The following AUH variants were observed in gnomAD, a reference collection of about 807,000 sequenced individuals.
AUH encodes the protein methylglutaconyl-CoA hydratase, mitochondrial.
A neutral mutation model predicts 42.3 loss-of-function variants in AUH; 29 were observed. The ratio of observed to expected loss-of-function variants is 0.69; its 90% CI spans 0.51 to 0.93. The LOEUF (loss-of-function observed/expected upper bound fraction) is 0.93. AUH is among the 40% of genes least tolerant of loss of function. The pLI is 0.00. For missense variants in AUH, 452 were observed against 438.1 expected, an observed-to-expected ratio of 1.03 and a Z score of -0.28; for synonymous variants, 174 against 166.4, an observed-to-expected ratio of 1.05 and a Z score of -0.35.
At chr9:91,300,695 G>A (rs1827715291) in intron 4 of AUH, among the ~76,000 whole-genome samples, 1 of 152,186 alleles carries the variant, frequency 6.6e-6, no homozygotes, top group African/African-American at 2.4e-5. Flanking sequence ...GCACAGGAAG[G>A]CACCTGGAAC....
In AUH at chr9:91,276,574, G is replaced by A. The variant is rs72740749; in HGVS notation, c.655+19447C>T. On this transcript the variant is annotated intron_variant, in intron 6 of 9. Transcript: ENST00000375731. ...AAACGAGAACAAAACACTGTAACAG[G>A]TCATTATTTTTTCGAAACTCAACAA... 6.6e-5 allele frequency among the ~76,000 whole-genome samples: 10 copies of A among 152,164 alleles called. No individual in the cohort carries two copies. In the East Asian group the frequency reaches 1.4e-3, roughly 21 times the overall value.
intron 3 of AUH, among the ~76,000 whole-genome samples, chr9:91,348,368 AG>A (rs1274541897): frequency 6.6e-6 from 1 of 152,214 alleles, no homozygotes; most frequent in Non-Finnish European, 1.5e-5. Context: ...CTAAACACAC[AG>A]GATAAAACCA....
chr9:91,264,308 C>T (rs1829855395), intron 6 of AUH, among the ~76,000 whole-genome samples: 1 of 152,120 alleles, frequency 6.6e-6, no homozygotes, highest in South Asian at 2.1e-4. Context: ...AAAGCCTGAC[C>T]TTCCCCTACA....
At chr9:91,340,405 C>T (rs1052059639) in intron 3 of AUH, among the ~76,000 whole-genome samples, 6 of 152,086 alleles carry the variant, frequency 3.9e-5, no homozygotes, top group Non-Finnish European at 8.8e-5. Context: ...GTAAATAATA[C>T]TGGTATTAAT....
intron 4 of AUH, among the ~76,000 whole-genome samples, chr9:91,312,213 T>A (rs1828753195): frequency 6.6e-6 from 1 of 152,130 alleles, no homozygotes; most frequent in Non-Finnish European, 1.5e-5. Flanking sequence ...TAAACTCTCT[T>A]TCATTAAAAA....
intron 7 of AUH, among the ~76,000 whole-genome samples, chr9:91,220,106 C>T (rs1318179052): frequency 3.3e-5 from 5 of 152,106 alleles, no homozygotes; most frequent in Non-Finnish European, 7.3e-5. Context: ...GATTTCAGAC[C>T]AAAGGCATAT....
intron 6 of AUH, among the ~76,000 whole-genome samples, chr9:91,284,687 T>C (rs1389804132): frequency 3.3e-5 from 5 of 152,194 alleles, no homozygotes; most frequent in African/African-American, 9.6e-5. Flanking sequence ...AAGACATTCA[T>C]GCAGCCAACA....
chr9:91,333,743 G>T (rs761297027), intron 3 of AUH, among the ~76,000 whole-genome samples: 1 of 152,256 alleles, frequency 6.6e-6, no homozygotes, highest in South Asian at 2.1e-4. Flanking sequence ...TCGTAATCAA[G>T]AAACATCTAA....
chr9:91,359,694 C>T (rs1287974615), intron 1 of AUH, among the ~76,000 whole-genome samples: 1 of 152,134 alleles, frequency 6.6e-6, no homozygotes, highest in East Asian at 1.9e-4. Context: ...TTACCCCCAC[C>T]CACCTAAAGT....
intron 3 of AUH, among the ~76,000 whole-genome samples, chr9:91,327,325 T>C (rs2131874213): frequency 6.6e-6 from 1 of 152,276 alleles, no homozygotes; most frequent in African/African-American, 2.4e-5. Context: ...AGCTGCTGGT[T>C]TGAGAGAGTC....
chr9:91,282,989 G>C lies in AUH; in HGVS notation c.655+13032C>G, dbSNP rs1031217230. Among the ~76,000 whole-genome samples the C allele has an allele frequency of 2.4e-4, 36 of 152,252 alleles. 1 individual carries two copies. Among genetic ancestry groups the C allele is most frequent in the African/African-American group, 8.2e-4 (34 of 41,548 alleles). ...AGGCCAGCATCATCCTGATACCAAA[G>C]CCTGGCAGAGACACCACAAAGAAAG... On this transcript the variant is annotated intron_variant, in intron 6 of 9. Transcript: ENST00000375731.
chr9:91,267,333 T>A (rs1830028240), intron 6 of AUH, among the ~76,000 whole-genome samples: 1 of 152,212 alleles, frequency 6.6e-6, no homozygotes, highest in Admixed American at 6.5e-5. Context: ...ATTAGCAGCC[T>A]GTCACACAAT....
At chr9:91,247,532 G>A (rs1196880223) in intron 6 of AUH, among the ~76,000 whole-genome samples, 1 of 152,076 alleles carries the variant, frequency 6.6e-6, no homozygotes, top group Non-Finnish European at 1.5e-5. Flanking sequence ...TCTGGCACAA[G>A]GAATCTATTC....
At chr9:91,313,066 T>A (rs2131774480) in intron 4 of AUH, among the ~76,000 whole-genome samples, 1 of 142,976 alleles carries the variant, frequency 7.0e-6, no homozygotes, top group Non-Finnish European at 1.5e-5. Flanking sequence ...ACATCAGGCT[T>A]TGCGGGGGGG....
chr9:91,231,047 G>A (rs551600864), intron 6 of AUH, among the ~76,000 whole-genome samples: 2 of 152,348 alleles, frequency 1.3e-5, no homozygotes, highest in South Asian at 2.1e-4. Context: ...ACAGAGGCAC[G>A]CAGGCCTCCT....
intron 3 of AUH, among the ~76,000 whole-genome samples, chr9:91,345,367 T>C (rs1345720860): frequency 1.3e-5 from 2 of 151,786 alleles, no homozygotes; most frequent in Admixed American, 6.6e-5. Context: ...ACAAAGACAA[T>C]ATACAAAAAT....
intron 9 of AUH, among the ~76,000 whole-genome samples, chr9:91,215,140 A>C (rs968037576): frequency 1.3e-5 from 2 of 152,204 alleles, no homozygotes; most frequent in African/African-American, 4.8e-5. Context: ...AACTCCCAGG[A>C]AAGGTAGAAC....
intron 6 of AUH, among the ~76,000 whole-genome samples, chr9:91,233,519 A>G (rs2131302309): frequency 6.6e-6 from 1 of 152,308 alleles, no homozygotes; most frequent in East Asian, 1.9e-4. Context: ...TCTAATGAAG[A>G]TTTGAGCTTG....
intron 4 of AUH, among the ~76,000 whole-genome samples, chr9:91,323,898 T>A (rs117073777): frequency 0.022 from 3,379 of 152,166 alleles, 213 homozygotes; most frequent in East Asian, 0.22. Context: ...ATTTATAAAA[T>A]TCCAATCACA....
Sources: allele counts gnomAD v4.1 joint callset (sites outside exome capture counted in the v4.1 genomes callset), GRCh38; gene constraint gnomAD v4.1.1; transcripts MANE v1.5; gene names NCBI Gene and HGNC (gene_info 2026-07-23, HGNC 2026-07-21).